The following SMOC1 variants were observed in gnomAD, a reference collection of about 807,000 sequenced individuals.
SMOC1 encodes SPARC related modular calcium binding 1.
Under a neutral mutation model 56.3 loss-of-function variants are expected in SMOC1, and 22 were observed. The ratio of observed to expected loss-of-function variants is 0.39; its 90% CI spans 0.28 to 0.56. The LOEUF (loss-of-function observed/expected upper bound fraction) is 0.56. SMOC1 is among the 20% of genes least tolerant of loss of function. The pLI is 0.61. For synonymous variants in SMOC1, 193 were observed against 215.0 expected (o/e 0.90, Z 0.89); for missense variants, 509 against 565.4 (o/e 0.90, Z 1.01).
rs71448303 is a variant in SMOC1, at chr14:69,895,867, C to CT, written c.99+16105dup. On this transcript the variant is annotated intron_variant, in intron 1 of 11. Coordinates refer to ENST00000361956, the MANE Select transcript of SMOC1 (RefSeq NM_001034852.3). ...TTTTTTTCCTTCCTTCTCTTTTTTT[C>CT]TTTTTTTTTTTTTTTGAGACAGGGT... 3.1e-3 allele frequency among the ~76,000 whole-genome samples: 377 copies of CT among 122,832 alleles called. 2 individuals carry two copies. The highest frequency in any genetic ancestry group is 3.3e-3 in the Non-Finnish European group (189 of 56,478). 80.6% of individuals were successfully genotyped at this position (122,832 alleles called of 152,430 possible). A position where few individuals can be genotyped will look rare whatever the true frequency, so the allele number is the denominator to read the frequency against.
intron 3 of SMOC1, among the ~76,000 whole-genome samples, chr14:69,962,709 T>G (rs1193804606): frequency 1.3e-5 from 2 of 152,000 alleles, no homozygotes; most frequent in African/African-American, 4.8e-5. Context: ...CTTGAGTAGG[T>G]GGGACTACAG....
chr14:69,880,734 C>T (rs1054721388), intron 1 of SMOC1, among the ~76,000 whole-genome samples: 1 of 152,204 alleles, frequency 6.6e-6, no homozygotes, highest in Non-Finnish European at 1.5e-5. Flanking sequence ...CCTGAGAGTC[C>T]ATGTGAAAGT....
At chr14:69,921,503 G>A (rs1475277887) in intron 1 of SMOC1, among the ~76,000 whole-genome samples, 2 of 152,192 alleles carry the variant, frequency 1.3e-5, no homozygotes, top group Admixed American at 6.5e-5. Flanking sequence ...AACAGTTGTT[G>A]TACATCCCTG....
chr14:69,939,510 C>T (rs1882470000), intron 1 of SMOC1, among the ~76,000 whole-genome samples: 1 of 152,202 alleles, frequency 6.6e-6, no homozygotes, highest in African/African-American at 2.4e-5. Context: ...CATTTTGTCT[C>T]ACAGCCAGTT....
At chr14:69,891,971 G>A (rs2047213912) in intron 1 of SMOC1, among the ~76,000 whole-genome samples, 1 of 151,970 alleles carries the variant, frequency 6.6e-6, no homozygotes, top group Admixed American at 6.6e-5. Flanking sequence ...CCTGCCCAGG[G>A]TTTTGGCTAA....
intron 5 of SMOC1, 144 bp downstream of exon 5, chr14:69,978,109 C>A (rs554996978): frequency 1.2e-5 from 9 of 747,492 alleles, no homozygotes; most frequent in Non-Finnish European, 1.9e-5. Context: ...CATGTTTCCT[C>A]TCTGAAGCAC....
intron 1 of SMOC1, among the ~76,000 whole-genome samples, chr14:69,903,907 A>G (rs1884336728): frequency 6.6e-6 from 1 of 152,024 alleles, no homozygotes; most frequent in African/African-American, 2.4e-5. Context: ...AATTAAAAAA[A>G]AAAAAAAAAG....
chr14:69,991,052 A>G (rs922943011), intron 5 of SMOC1, among the ~76,000 whole-genome samples: 1 of 152,216 alleles, frequency 6.6e-6, no homozygotes, highest in African/African-American at 2.4e-5. Flanking sequence ...AAGTCGGCCA[A>G]AGGTACTGAG....
At chr14:69,969,324 G>A (rs1262104696) in intron 3 of SMOC1, among the ~76,000 whole-genome samples, 1 of 152,178 alleles carries the variant, frequency 6.6e-6, no homozygotes, top group Non-Finnish European at 1.5e-5. Flanking sequence ...TTGGCTCACA[G>A]TTCTGCAGGC....
intron 10 of SMOC1, among the ~76,000 whole-genome samples, chr14:70,021,551 G>T (rs866119845): frequency 1.3e-5 from 2 of 152,084 alleles, no homozygotes; most frequent in East Asian, 1.9e-4. Flanking sequence ...CACACCTTCC[G>T]CCAGGTACTC....
At chr14:69,882,434 C>T (rs1439508951) in intron 1 of SMOC1, among the ~76,000 whole-genome samples, 1 of 152,140 alleles carries the variant, frequency 6.6e-6, no homozygotes, top group Non-Finnish European at 1.5e-5. Flanking sequence ...TTGCTTCCTG[C>T]CTTCCTTCAT....
chr14:69,945,539 C>T (rs1594816248), intron 1 of SMOC1, among the ~76,000 whole-genome samples: 1 of 152,170 alleles, frequency 6.6e-6, no homozygotes, highest in Non-Finnish European at 1.5e-5. Context: ...AATCTGTTAC[C>T]TCAGGTGGTA....
chr14:69,965,393 A>AATG, intron 3 of SMOC1, among the ~76,000 whole-genome samples: 1 of 150,460 alleles, frequency 6.6e-6, no homozygotes, highest in South Asian at 2.1e-4. Context: ...TAATAATAAT[A>AATG]ATAATAATAA....
rs560809984 is a variant in SMOC1, at chr14:69,885,834, T to C, written c.99+6057T>C. 5.0e-6 allele frequency: 8 copies of C among 1,603,162 alleles called. No homozygotes were observed. In the East Asian group the frequency reaches 6.7e-5, roughly 13 times the overall value. On this transcript the variant is annotated intron_variant, in intron 1 of 11. Transcript: ENST00000361956. ...TTCTTCTCTTGCTTTGTCTCTGGCCTGTACTTGTGGGCCAGCTTAAGCAGC... is the reference window on the plus strand; with the variant it reads ...TTCTTCTCTTGCTTTGTCTCTGGCCCGTACTTGTGGGCCAGCTTAAGCAGC...
At chr14:69,919,073 A>T (rs900139892) in intron 1 of SMOC1, among the ~76,000 whole-genome samples, 19 of 152,184 alleles carry the variant, frequency 1.2e-4, no homozygotes, top group African/African-American at 3.4e-4. Context: ...CACACACTTG[A>T]GGTGGGTTTG....
chr14:69,919,359 G>A (rs1421161947), intron 1 of SMOC1, among the ~76,000 whole-genome samples: 1 of 152,108 alleles, frequency 6.6e-6, no homozygotes, highest in Non-Finnish European at 1.5e-5. Flanking sequence ...CCTGTGTCTT[G>A]TTCAGCCTGT....
chr14:69,969,533 A>G (rs1883686475), intron 3 of SMOC1, among the ~76,000 whole-genome samples: 1 of 152,178 alleles, frequency 6.6e-6, no homozygotes, highest in Non-Finnish European at 1.5e-5. Flanking sequence ...CGCTGTCGTG[A>G]AAACCAAGGA....
At chr14:69,882,133 A>G (rs112028009) in intron 1 of SMOC1, among the ~76,000 whole-genome samples, 8 of 152,200 alleles carry the variant, frequency 5.3e-5, no homozygotes, top group African/African-American at 1.7e-4. Flanking sequence ...ATTTCAACCT[A>G]TCCCCAAAGA....
In SMOC1 at chr14:69,983,926, C is replaced by T. The variant is rs184890447; in HGVS notation, c.526+5961C>T. On this transcript the variant is annotated intron_variant, in intron 5 of 11. Transcript: ENST00000361956. ...GAACTGTCACTCTCAGGTTCCATTG[C>T]AGTGATCCTGTGCTTGCAGAAAGAA... Among the ~76,000 whole-genome samples, 332 of 152,298 alleles carry T rather than the reference C, an allele frequency of 2.2e-3. 1 individual carries two copies. Among genetic ancestry groups the T allele is most frequent in the Non-Finnish European group, 4.1e-3 (282 of 68,030 alleles).
Sources: gnomAD v4.1 joint callset for allele counts (sites outside exome capture counted in the v4.1 genomes callset) on GRCh38, gnomAD v4.1.1 for gene constraint, MANE v1.5 for transcripts, NCBI Gene and HGNC (gene_info 2026-07-23, HGNC 2026-07-21) for gene names.